The following LHFPL4 variants were observed in gnomAD, a reference collection of about 807,000 sequenced individuals.
LHFPL4 encodes LHFPL tetraspan subfamily member 4, also known as LHFPL tetraspan subfamily member 4 protein.
A neutral mutation model predicts 20.0 loss-of-function variants in LHFPL4; 6 were observed. The ratio of observed to expected loss-of-function variants is 0.30; its 90% CI spans 0.16 to 0.59. The LOEUF (loss-of-function observed/expected upper bound fraction) is 0.59, where lower values mean the gene tolerates loss of function less well. Among genes scored for constraint, LHFPL4 ranks in the 20% least tolerant of loss-of-function variants. The probability of loss-of-function intolerance (pLI) is 0.88; values close to 1 mark genes in which losing one functional copy is unlikely to be tolerated. For missense variants in LHFPL4, 215 were observed against 331.2 expected (o/e 0.65, Z 2.72); for synonymous variants, 129 against 143.8 (o/e 0.90, Z 0.74).
intron 2 of LHFPL4, among the ~76,000 whole-genome samples, chr3:9,546,335 GA>G (rs2046512723): frequency 6.7e-6 from 1 of 148,582 alleles, no homozygotes; most frequent in African/African-American, 2.5e-5. Flanking sequence ...AAAAGAAAAA[GA>G]AAAAAAGAAC....
chr3:9,498,627 C>G lies in LHFPL4; in HGVS notation c.*3584G>C, dbSNP rs1203103646. 1 of 152,682 alleles carries G rather than the reference C, an allele frequency of 6.5e-6. No individual in the cohort carries two copies. Among genetic ancestry groups the G allele is most frequent in the Non-Finnish European group, 1.5e-5 (1 of 68,092 alleles). The allele number at this position is 152,682 out of a possible 1,614,324, so 9.5% of individuals were successfully genotyped here. A position where few individuals can be genotyped will look rare whatever the true frequency, so the allele number is the denominator to read the frequency against. The stretch of plus-strand genomic sequence containing the variant: ...CCTGTTCAGGAAACTCCAGTCCCAC[C>G]CAAAGGTTAGCCGTGGGCCAGGCAG... On this transcript the variant is annotated 3_prime_UTR_variant, in exon 4 of 4. Coordinates refer to ENST00000287585, the MANE Select transcript of LHFPL4 (RefSeq NM_198560.3).
At chr3:9,512,693 G>A (rs1313644766) in intron 2 of LHFPL4, among the ~76,000 whole-genome samples, 1 of 152,144 alleles carries the variant, frequency 6.6e-6, no homozygotes, top group African/African-American at 2.4e-5. Context: ...GATGTGTTCT[G>A]TGGCGTTAAG....
intron 2 of LHFPL4, among the ~76,000 whole-genome samples, chr3:9,543,377 T>C (rs1356116935): frequency 6.6e-6 from 1 of 151,892 alleles, no homozygotes; most frequent in East Asian, 1.9e-4. Context: ...GGCGGGCGCC[T>C]GTAGACCTAG....
chr3:9,545,315 T>G (rs2046504765), intron 2 of LHFPL4, among the ~76,000 whole-genome samples: 1 of 152,106 alleles, frequency 6.6e-6, no homozygotes, highest in Admixed American at 6.5e-5. Flanking sequence ...TCTCAATGTG[T>G]TTATCAGTAT....
At chr3:9,542,723 C>G (rs1156830031) in intron 2 of LHFPL4, among the ~76,000 whole-genome samples, 2 of 150,372 alleles carry the variant, frequency 1.3e-5, no homozygotes, top group African/African-American at 4.9e-5. Context: ...ATGAAAGGAT[C>G]GCTTGAGCCC....
In LHFPL4 at chr3:9,542,795, A is replaced by G. The variant is rs1325714336; in HGVS notation, c.406+9479T>C. ...GTACTCCAGCCTGGGTAACAGAGCAAGGCCCTATCTCAAAAAAAAAAAAAA... is the reference window on the plus strand; with the variant it reads ...GTACTCCAGCCTGGGTAACAGAGCAGGGCCCTATCTCAAAAAAAAAAAAAA... On this transcript the variant is annotated intron_variant, in intron 2 of 3. Coordinates refer to ENST00000287585, the MANE Select transcript of LHFPL4 (RefSeq NM_198560.3). Among the ~76,000 whole-genome samples, 4 of 145,568 alleles carry G rather than the reference A, an allele frequency of 2.7e-5. No individual in the cohort carries two copies. In the Admixed American group the frequency reaches 2.8e-4, roughly 10 times the overall value.
chr3:9,517,794 TTTTTTTGTTTTTTG>T (rs2046312995), intron 2 of LHFPL4, among the ~76,000 whole-genome samples: 1 of 122,250 alleles, frequency 8.2e-6, no homozygotes, highest in Admixed American at 8.1e-5. Context: ...GGAGGTTGGG[TTTTTTTGTTTTTTG>T]TTTTTTTTTT....
At chr3:9,524,134 G>A (rs1473981365) in intron 2 of LHFPL4, among the ~76,000 whole-genome samples, 1 of 151,128 alleles carries the variant, frequency 6.6e-6, no homozygotes, top group Non-Finnish European at 1.5e-5. Context: ...TTTCCTTCTG[G>A]CTTGTTTCAG....
At chr3:9,531,375 C>T (rs1480209562) in intron 2 of LHFPL4, among the ~76,000 whole-genome samples, 1 of 152,096 alleles carries the variant, frequency 6.6e-6, no homozygotes, top group Non-Finnish European at 1.5e-5. Context: ...CACAATAAAA[C>T]GAGGTATGCC....
intron 2 of LHFPL4, among the ~76,000 whole-genome samples, chr3:9,514,705 C>A (rs1186939491): frequency 6.6e-6 from 1 of 152,216 alleles, no homozygotes; most frequent in Non-Finnish European, 1.5e-5. Context: ...CTGATTGTTT[C>A]ACTACCTCCA....
chr3:9,514,551 T>G (rs1463773379), intron 2 of LHFPL4, among the ~76,000 whole-genome samples: 2 of 152,218 alleles, frequency 1.3e-5, no homozygotes, highest in African/African-American at 4.8e-5. Context: ...ACTCCTGGTG[T>G]TGTACGTTCT....
chr3:9,544,014 C>T (rs760092057), intron 2 of LHFPL4, among the ~76,000 whole-genome samples: 1 of 151,990 alleles, frequency 6.6e-6, no homozygotes, highest in Non-Finnish European at 1.5e-5. Flanking sequence ...AGTGCCAGTG[C>T]ACCCAGCCTG....
intron 2 of LHFPL4, among the ~76,000 whole-genome samples, chr3:9,545,953 A>G (rs540611964): frequency 1.3e-5 from 2 of 151,998 alleles, no homozygotes; most frequent in African/African-American, 4.8e-5. Flanking sequence ...ATGTAGATGA[A>G]TATTCTATGC....
intron 2 of LHFPL4, among the ~76,000 whole-genome samples, chr3:9,518,248 G>A (rs1416842194): frequency 6.6e-6 from 1 of 152,084 alleles, no homozygotes; most frequent in African/African-American, 2.4e-5. Flanking sequence ...GGCATACTTG[G>A]AATAAATCCC....
chr3:9,515,603 C>T (rs915047806), intron 2 of LHFPL4, among the ~76,000 whole-genome samples: 2 of 151,702 alleles, frequency 1.3e-5, no homozygotes, highest in Admixed American at 1.3e-4. Context: ...CGAACTTGAC[C>T]ACAGGTGATC....
chr3:9,546,068 C>T (rs2046510284), intron 2 of LHFPL4, among the ~76,000 whole-genome samples: 1 of 151,988 alleles, frequency 6.6e-6, no homozygotes, highest in Admixed American at 6.6e-5. Context: ...AATCCCAGTA[C>T]TTTGGGAGGC....
chr3:9,550,374 G>A (rs2046545595), intron 2 of LHFPL4, among the ~76,000 whole-genome samples: 1 of 152,208 alleles, frequency 6.6e-6, no homozygotes, highest in South Asian at 2.1e-4. Context: ...ACCCCCGGCT[G>A]TAGAACTAGC....
intron 3 of LHFPL4, among the ~76,000 whole-genome samples, chr3:9,503,369 T>C (rs1198166569): frequency 6.6e-6 from 1 of 152,218 alleles, no homozygotes; most frequent in African/African-American, 2.4e-5. Flanking sequence ...TCAGTCTGTC[T>C]TGCACTTCTG....
rs182215004 is a variant in LHFPL4, at chr3:9,503,126, C to A, written c.644-815G>T. 1.8e-3 allele frequency among the ~76,000 whole-genome samples: 270 copies of A among 152,242 alleles called. 5 individuals are homozygous for A. The highest frequency in any genetic ancestry group is 5.9e-3 in the African/African-American group (246 of 41,526). Reference sequence around the variant, plus strand: ...CTGGGACCACAGGTGCGCGCCATGGCTTTTGGCTCGGAGGTCTTTGGGTTA... The same window carrying A: ...CTGGGACCACAGGTGCGCGCCATGGATTTTGGCTCGGAGGTCTTTGGGTTA... On this transcript the variant is annotated intron_variant, in intron 3 of 3. Coordinates refer to ENST00000287585, the MANE Select transcript of LHFPL4 (RefSeq NM_198560.3).
Sources: gnomAD v4.1 joint callset for allele counts (sites outside exome capture counted in the v4.1 genomes callset) on GRCh38, gnomAD v4.1.1 for gene constraint, MANE v1.5 for transcripts, NCBI Gene and HGNC (gene_info 2026-07-23, HGNC 2026-07-21) for gene names.